Variants in AKAP13 observed in about 807,000 individuals in gnomAD.
The protein encoded by AKAP13 is A-kinase anchor protein 13.
AKAP13 carries 80 observed loss-of-function variants against 264.5 expected under a neutral mutation model. The ratio of observed to expected loss-of-function variants is 0.30; its 90% CI spans 0.25 to 0.36. The LOEUF is 0.36. Ranked by LOEUF, AKAP13 falls within the 10% of genes least tolerant of loss-of-function variation. The pLI is 1.00. For synonymous variants in AKAP13, 1,380 were observed against 1,250.2 expected (o/e 1.10, Z -2.19); for missense variants, 3,712 against 3,435.2 (o/e 1.08, Z -2.01).
Position 85,579,256 on chromosome 15 carries a change from T to G in AKAP13, c.1188T>G (p.Asp396Glu). 6.2e-7 allele frequency: 1 copy of G among 1,614,182 alleles called. No individual in the cohort carries two copies. The change falls in exon 7 of 37, where the codon GAT (aspartate) becomes GAG (glutamate). Residue 396 changes from aspartate to glutamate, a missense_variant. Asp to Glu is a conservative substitution (Grantham distance 45, BLOSUM62 2). This residue lies in a region of AKAP13 where 2,759 missense variants were observed against 2,411.7 expected (regional missense o/e 1.14). Coordinates refer to ENST00000394518, the MANE Select transcript of AKAP13 (RefSeq NM_007200.5). ...TTGTGGACTCTGGAACTGTATCTGA[T>G]CAAGACAGCTGCCTTCAGAGCTTGC... ...APIVDSGTVSDQDSCLQSLPD... is the reference protein window; with the variant it reads ...APIVDSGTVSEQDSCLQSLPD...
intron 5 of AKAP13, among the ~76,000 whole-genome samples, chr15:85,571,244 C>T (rs764505989): frequency 6.1e-5 from 9 of 148,336 alleles, no homozygotes; most frequent in Non-Finnish European, 1.3e-4. Flanking sequence ...TATATTTGTG[C>T]GTTTTACAGA....
intron 5 of AKAP13, among the ~76,000 whole-genome samples, chr15:85,564,778 C>A (rs947456376): frequency 6.6e-6 from 1 of 152,116 alleles, no homozygotes; most frequent in African/African-American, 2.4e-5. Flanking sequence ...TACTCTTCTG[C>A]CCTGGAGTGA....
chr15:85,597,164 CA>C (rs1293960807), intron 8 of AKAP13, among the ~76,000 whole-genome samples: 1 of 152,110 alleles, frequency 6.6e-6, no homozygotes, highest in Non-Finnish European at 1.5e-5. Context: ...CAAAATCTTC[CA>C]AAAATAATTG....
intron 15 of AKAP13, among the ~76,000 whole-genome samples, chr15:85,682,625 A>G (rs907244690): frequency 2.6e-5 from 4 of 152,162 alleles, no homozygotes; most frequent in Non-Finnish European, 5.9e-5. Context: ...TCTTCTGTAT[A>G]CATGTAAATG....
chr15:85,714,870 G>A (rs753169423), intron 19 of AKAP13, among the ~76,000 whole-genome samples: 3 of 152,118 alleles, frequency 2.0e-5, no homozygotes, highest in Non-Finnish European at 4.4e-5. Flanking sequence ...GGGAGGCTGC[G>A]GCAGGAGAAT....
chr15:85,395,731 A>T (rs1181727945), intron 1 of AKAP13, among the ~76,000 whole-genome samples: 1 of 151,900 alleles, frequency 6.6e-6, no homozygotes, highest in Non-Finnish European at 1.5e-5. Context: ...TAGGGATTTG[A>T]GTTGTACTGT....
intron 1 of AKAP13, among the ~76,000 whole-genome samples, chr15:85,453,947 C>A (rs2074187045): frequency 6.6e-6 from 1 of 152,236 alleles, no homozygotes; most frequent in Admixed American, 6.5e-5. Context: ...GGCATCCCTT[C>A]TGTTCTGGGT....
chr15:85,552,332 A>G (rs2077986433), intron 5 of AKAP13, among the ~76,000 whole-genome samples: 1 of 152,210 alleles, frequency 6.6e-6, no homozygotes, highest in East Asian at 1.9e-4. Context: ...GAAGTTTTTC[A>G]GTAACATGTT....
intron 8 of AKAP13, among the ~76,000 whole-genome samples, chr15:85,634,885 A>C (rs898833796): frequency 1.3e-5 from 2 of 148,500 alleles, no homozygotes; most frequent in African/African-American, 5.0e-5. Context: ...AGATTCATCC[A>C]TGTTGTTTGT....
chr15:85,577,740 A>G (rs377041385), intron 6 of AKAP13: 4 of 877,884 alleles, frequency 4.6e-6, no homozygotes, highest in African/African-American at 1.8e-5. Flanking sequence ...TTTATATTTA[A>G]TATGTTCTGA....
intron 4 of AKAP13, among the ~76,000 whole-genome samples, chr15:85,541,521 G>A (rs1187359542): frequency 6.6e-6 from 1 of 152,184 alleles, no homozygotes; most frequent in Non-Finnish European, 1.5e-5. Flanking sequence ...TTGTATGATT[G>A]CTTGTTTTTG....
At chr15:85,470,246 G>T (rs2074912581) in intron 1 of AKAP13, among the ~76,000 whole-genome samples, 2 of 152,126 alleles carry the variant, frequency 1.3e-5, no homozygotes, top group Admixed American at 1.3e-4. Context: ...CCGAGACCTC[G>T]CCATTGCACT....
At chr15:85,733,352 C>T (rs1240029988) in intron 30 of AKAP13, among the ~76,000 whole-genome samples, 1 of 151,886 alleles carries the variant, frequency 6.6e-6, no homozygotes, top group Non-Finnish European at 1.5e-5. Flanking sequence ...ATTTGATTTT[C>T]CCCATGTAAG....
intron 5 of AKAP13, among the ~76,000 whole-genome samples, chr15:85,569,494 C>G (rs2078729664): frequency 7.0e-6 from 1 of 143,594 alleles, no homozygotes; most frequent in African/African-American, 2.5e-5. Flanking sequence ...CTCTTGTTGC[C>G]TAGGCTGCAG....
rs1216941449 is a variant in AKAP13, at chr15:85,504,533, AAAG to A, written c.34-16892_34-16890del. ...AAAAAAAAAAAAAAAAAAAAAAAAA[AAAG>A]AAAAAATTAGCCAGGCATGGTGGCG... On this transcript the variant is annotated intron_variant, in intron 2 of 36. Coordinates refer to ENST00000394518, the MANE Select transcript of AKAP13 (RefSeq NM_007200.5). Among the ~76,000 whole-genome samples, 5 of 138,256 alleles carry A rather than the reference AAAG, an allele frequency of 3.6e-5. No individual in the cohort carries two copies. The East Asian group carries it at 1.1e-3, about 30-fold the overall frequency. The allele number at this position is 138,256 out of a possible 152,430, so 90.7% of individuals were successfully genotyped here. A position where few individuals can be genotyped will look rare whatever the true frequency, so the allele number is the denominator to read the frequency against.
chr15:85,711,777 A>T (rs1475740407), intron 19 of AKAP13, among the ~76,000 whole-genome samples: 1 of 152,166 alleles, frequency 6.6e-6, no homozygotes, highest in Non-Finnish European at 1.5e-5. Flanking sequence ...CCCCACCCTG[A>T]TCTGTGAATC....
Position 85,572,422 on chromosome 15 carries a change from G to T in AKAP13, c.663-2709G>T, listed in dbSNP as rs1567132316. On this transcript the variant is annotated intron_variant, in intron 5 of 36. Coordinates refer to ENST00000394518, the MANE Select transcript of AKAP13 (RefSeq NM_007200.5). Reference sequence around the variant, plus strand: ...ACTTCTTGAGTCGTTTCTTTGAACTGTCGAGAGTATTTTACAAGTGCTTTT... The same window carrying T: ...ACTTCTTGAGTCGTTTCTTTGAACTTTCGAGAGTATTTTACAAGTGCTTTT... Among the ~76,000 whole-genome samples, 4 of 152,268 alleles carry T rather than the reference G, an allele frequency of 2.6e-5. No individual in the cohort carries two copies. In the South Asian group the frequency reaches 6.2e-4, roughly 24 times the overall value.
At chr15:85,722,151 T>TTG in intron 24 of AKAP13, 35 bp downstream of exon 24, 1 of 1,612,852 alleles carries the variant, frequency 6.2e-7, no homozygotes, top group Non-Finnish European at 8.5e-7. Flanking sequence ...CCCGTTATTG[T>TTG]TGAGAGCCAT....
chr15:85,643,651 T>C (rs1006323964), intron 9 of AKAP13, among the ~76,000 whole-genome samples: 2 of 152,186 alleles, frequency 1.3e-5, no homozygotes, highest in African/African-American at 4.8e-5. Flanking sequence ...AAAACCCTTC[T>C]GGTAAAGTGA....
Sources: allele counts gnomAD v4.1 joint callset (sites outside exome capture counted in the v4.1 genomes callset), GRCh38; gene constraint gnomAD v4.1.1; regional missense constraint gnomAD v4.1.1; transcripts MANE v1.5; gene names NCBI Gene and HGNC (gene_info 2026-07-23, HGNC 2026-07-21).